RAB3B: variants seen among roughly 807,000 people sequenced by gnomAD.
The protein encoded by RAB3B is RAB3B, member RAS oncogene family, also known as ras-related protein Rab-3B.
In RAB3B, 11 loss-of-function variants were observed where a neutral mutation model predicts 20.5. The ratio of observed to expected loss-of-function variants is 0.54; its 90% CI spans 0.34 to 0.89. RAB3B has a LOEUF of 0.89. Among genes scored for constraint, RAB3B ranks in the 40% least tolerant of loss-of-function variants. The pLI is 0.02. For synonymous variants in RAB3B, 99 were observed against 106.3 expected, an observed-to-expected ratio of 0.93 and a Z score of 0.42; for missense variants, 225 against 280.9, an observed-to-expected ratio of 0.80 and a Z score of 1.42.
At position 51,908,099 on chromosome 1, in the gene RAB3B, TCTC is replaced by T. The variant is rs1268864954; in HGVS notation, c.*11825_*11827del. 6.6e-6 allele frequency: 1 copy of T among 152,162 alleles called. No individual in the cohort carries two copies. The highest frequency in any genetic ancestry group is 6.6e-5 in the Admixed American group (1 of 15,254). The allele number at this position is 152,162 out of a possible 1,614,324, so 9.4% of individuals were successfully genotyped here. Reference sequence around the variant, plus strand: ...CCATAGATATTTGTAAATGAGATCTTCTCTTTTGCTACTGTGTATATATATTCC... The same window carrying T: ...CCATAGATATTTGTAAATGAGATCTTTTTTGCTACTGTGTATATATATTCC... On this transcript the variant is annotated 3_prime_UTR_variant, in exon 5 of 5. Transcript: ENST00000371655.
At chr1:51,984,583 T>C (rs1472755006) in intron 1 of RAB3B, among the ~76,000 whole-genome samples, 1 of 151,768 alleles carries the variant, frequency 6.6e-6, no homozygotes, top group Non-Finnish European at 1.5e-5. Context: ...AGAGATGGGG[T>C]TTCACCATGT....
rs894066462 is a variant in RAB3B at position 51,919,752 on chromosome 1, T to C, written c.*175A>G. The C allele has an allele frequency of 3.4e-6, 2 of 588,070 alleles. No homozygotes were observed. Among genetic ancestry groups the C allele is most frequent in the African/African-American group, 3.7e-5 (2 of 53,854 alleles). 36.4% of individuals were successfully genotyped at this position (588,070 alleles called of 1,614,324 possible). ...TAGTCTAGTGCTGAGTATCTATTAC[T>C]GGGACCATCTGCAGAGAACCCCAGG... On this transcript the variant is annotated 3_prime_UTR_variant, in exon 5 of 5. Transcript: ENST00000371655.
At chr1:51,952,973 G>A (rs1374062091) in intron 2 of RAB3B, among the ~76,000 whole-genome samples, 1 of 151,962 alleles carries the variant, frequency 6.6e-6, no homozygotes, top group Non-Finnish European at 1.5e-5. Flanking sequence ...CTGTCTGCTG[G>A]GCATCTCCAC....
At chr1:51,988,005 A>G (rs1433986006) in intron 1 of RAB3B, among the ~76,000 whole-genome samples, 2 of 151,986 alleles carry the variant, frequency 1.3e-5, no homozygotes, top group African/African-American at 4.8e-5. Context: ...AGCCTCCCAA[A>G]TAGCTGGGAT....
chr1:51,989,210 G>GTGTGTC (rs1175014296), intron 1 of RAB3B, among the ~76,000 whole-genome samples: 8 of 32,546 alleles, frequency 2.5e-4, no homozygotes, highest in African/African-American at 4.9e-4. Context: ...ATCTTGTTTT[G>GTGTGTC]TGTGTGTGTG....
At chr1:51,977,745 G>T (rs1460335574) in intron 1 of RAB3B, among the ~76,000 whole-genome samples, 1 of 152,116 alleles carries the variant, frequency 6.6e-6, no homozygotes, top group East Asian at 1.9e-4. Context: ...GACGCTGCAG[G>T]GAGCCATGAT....
At chr1:51,939,755 T>A (rs1269744661) in intron 2 of RAB3B, among the ~76,000 whole-genome samples, 1 of 152,144 alleles carries the variant, frequency 6.6e-6, no homozygotes, top group Admixed American at 6.6e-5. Flanking sequence ...TTTTTACTTT[T>A]GTAGAGACAA....
chr1:51,973,370 C>T (rs951814245), intron 2 of RAB3B: 12 of 152,152 alleles, frequency 7.9e-5, no homozygotes, highest in Admixed American at 7.9e-4. Context: ...AAACCCTTTG[C>T]TAATTTTCCT....
At position 51,911,025 on chromosome 1, in the gene RAB3B, C is replaced by T. The variant is rs1486366213; in HGVS notation, c.*8902G>A. The T allele has an allele frequency of 6.6e-6, 1 of 152,170 alleles. No individual in the cohort carries two copies. The highest frequency in any genetic ancestry group is 2.4e-5 in the African/African-American group (1 of 41,442). The allele number at this position is 152,170 out of a possible 1,614,324, so 9.4% of individuals were successfully genotyped here. On this transcript the variant is annotated 3_prime_UTR_variant, in exon 5 of 5. Transcript: ENST00000371655. ...AAGAGAAGTAAACAGAAGCATATAC[C>T]ACACAACTCAGTCCAGTCAGTAGTT...
At chr1:51,958,422 G>A (rs2809948) in intron 2 of RAB3B, among the ~76,000 whole-genome samples, 33,284 of 152,056 alleles carry the variant, frequency 0.22, 4,410 homozygotes, top group Non-Finnish European at 0.29. Flanking sequence ...GAGGAAAGCC[G>A]GTAAGAAAGT....
At chr1:51,933,800 G>A (rs1280237745) in intron 3 of RAB3B, among the ~76,000 whole-genome samples, 1 of 152,180 alleles carries the variant, frequency 6.6e-6, no homozygotes, top group Non-Finnish European at 1.5e-5. Flanking sequence ...TGTTATAGCA[G>A]CCCAAACTGA....
At chr1:51,938,603 C>T (rs1684445628) in intron 2 of RAB3B, among the ~76,000 whole-genome samples, 1 of 151,610 alleles carries the variant, frequency 6.6e-6, no homozygotes, top group Non-Finnish European at 1.5e-5. Flanking sequence ...ATAGAAGAAA[C>T]ACATCAAAAG....
At chr1:51,982,490 A>C (rs2124318561) in intron 1 of RAB3B, among the ~76,000 whole-genome samples, 1 of 152,332 alleles carries the variant, frequency 6.6e-6, no homozygotes, top group Non-Finnish European at 1.5e-5. Context: ...ATGGTGGCTC[A>C]GACCTGTAAC....
At chr1:51,951,186 G>T (rs956607843) in intron 2 of RAB3B, among the ~76,000 whole-genome samples, 32 of 149,734 alleles carry the variant, frequency 2.1e-4, no homozygotes, top group African/African-American at 7.2e-4. Flanking sequence ...GGAGGTAAAT[G>T]TATAGGTTTG....
chr1:51,924,559 T>C (rs995304853), intron 4 of RAB3B, among the ~76,000 whole-genome samples: 1 of 152,150 alleles, frequency 6.6e-6, no homozygotes, highest in Non-Finnish European at 1.5e-5. Context: ...TAGCAGTTTG[T>C]TATCCTTAGA....
chr1:51,980,798 G>A (rs1453787110), intron 1 of RAB3B: 2 of 748,934 alleles, frequency 2.7e-6, no homozygotes, highest in East Asian at 2.5e-5. Context: ...GCTGCCCCAC[G>A]ACCCCCACCA....
rs1057192202 is a variant in RAB3B, at chr1:51,912,934, G to A, written c.*6993C>T. ...CATGTTAAGTTTGAGACATGAAAATGTCCAGTAGGCACTTAGATACACGTT... is the reference window on the plus strand; with the variant it reads ...CATGTTAAGTTTGAGACATGAAAATATCCAGTAGGCACTTAGATACACGTT... On this transcript the variant is annotated 3_prime_UTR_variant, in exon 5 of 5. Transcript: ENST00000371655. The A allele has an allele frequency of 1.4e-4, 21 of 152,090 alleles. No homozygotes were observed. Among genetic ancestry groups the A allele is most frequent in the African/African-American group, 4.8e-4 (20 of 41,416 alleles). The allele number at this position is 152,090 out of a possible 1,614,324, so 9.4% of individuals were successfully genotyped here.
chr1:51,926,774 G>T (rs902714471), intron 4 of RAB3B, among the ~76,000 whole-genome samples: 5 of 152,306 alleles, frequency 3.3e-5, no homozygotes, highest in Admixed American at 2.6e-4. Context: ...TACGGGGCCT[G>T]CCATCTACTA....
chr1:51,959,615 T>C (rs12404678), intron 2 of RAB3B, among the ~76,000 whole-genome samples: 7,479 of 152,050 alleles, frequency 0.049, 224 homozygotes, highest in Middle Eastern at 0.075. Context: ...GCATCCCGAC[T>C]CCCAGCCCAG....
Sources: allele counts gnomAD v4.1 joint callset (sites outside exome capture counted in the v4.1 genomes callset), GRCh38; gene constraint gnomAD v4.1.1; transcripts MANE v1.5; gene names NCBI Gene and HGNC (gene_info 2026-07-23, HGNC 2026-07-21).